BTRC: variants seen among roughly 807,000 people sequenced by gnomAD.
BTRC encodes beta-transducin repeat containing E3 ubiquitin protein ligase.
Under a neutral mutation model 85.5 loss-of-function variants are expected in BTRC, and 42 were observed. That is an observed-to-expected ratio of 0.49 (90% CI 0.38 to 0.64). The LOEUF (loss-of-function observed/expected upper bound fraction) is 0.64, where lower values mean the gene tolerates loss of function less well. BTRC is among the 30% of genes least tolerant of loss of function. The pLI, the probability that BTRC is intolerant of heterozygous loss-of-function variation, is 0.00. For missense variants in BTRC, 594 were observed against 743.5 expected, an observed-to-expected ratio of 0.80 and a Z score of 2.34; for synonymous variants, 255 against 263.3, an observed-to-expected ratio of 0.97 and a Z score of 0.30.
At chr10:101,532,809 C>CTT (rs1554895739) in intron 8 of BTRC, 143 bp from the exon 9 acceptor site, 8 of 675,908 alleles carry the variant, frequency 1.2e-5, no homozygotes, top group South Asian at 3.6e-5. Flanking sequence ...CGCGCGCGCG[C>CTT]GCTTAGCTAT....
rs146804594 is a variant in BTRC, at chr10:101,385,615, C to CTTTTTTTTTTTTTT, written c.48+31389_48+31390insTTTTTTTTTTTTTT. ...TTTTCTTTGTTCTTTCTTTCTTCTT[C>CTTTTTTTTTTTTTT]TTCTTTTTTTTTTTTTTTGTGTGTT... On this transcript the variant is annotated intron_variant, in intron 1 of 14. Coordinates refer to ENST00000370187, the MANE Select transcript of BTRC (RefSeq NM_033637.4). 2.0e-4 allele frequency among the ~76,000 whole-genome samples: 10 copies of CTTTTTTTTTTTTTT among 48,898 alleles called. 1 individual carries two copies. Among genetic ancestry groups the CTTTTTTTTTTTTTT allele is most frequent in the East Asian group, 1.6e-3 (4 of 2,550 alleles). 32.1% of individuals were successfully genotyped at this position (48,898 alleles called of 152,430 possible).
At chr10:101,414,686 A>C (rs1476700992) in intron 1 of BTRC, 1 of 517,494 alleles carries the variant, frequency 1.9e-6, no homozygotes, top group African/African-American at 1.9e-5. Flanking sequence ...ATGAAGGTAG[A>C]AGACAGTGAT....
chr10:101,429,309 C>T (rs910963701), intron 1 of BTRC, among the ~76,000 whole-genome samples: 1 of 152,020 alleles, frequency 6.6e-6, no homozygotes, highest in African/African-American at 2.4e-5. Flanking sequence ...TTCTTTCTTA[C>T]AAAGCTGTAG....
chr10:101,395,655 A>G (rs905863210), intron 1 of BTRC, among the ~76,000 whole-genome samples: 2 of 152,116 alleles, frequency 1.3e-5, no homozygotes, highest in African/African-American at 2.4e-5. Flanking sequence ...AAGATCTTAG[A>G]TTTATTTTTG....
chr10:101,434,107 T>C (rs771431744), intron 2 of BTRC, among the ~76,000 whole-genome samples: 1 of 152,252 alleles, frequency 6.6e-6, no homozygotes, highest in Non-Finnish European at 1.5e-5. Context: ...ATGTCTGGAT[T>C]AAGAAAAGAC....
In BTRC at chr10:101,357,284, T is replaced by TA. The variant is rs1273525615; in HGVS notation, c.48+3057dup. On this transcript the variant is annotated intron_variant, in intron 1 of 14. Transcript: ENST00000370187. ...GGTGAAACCCTGTCTCTACTAAAAA[T>TA]ACAAAAATTAGCCAGGCCTGGTGGC... Among the ~76,000 whole-genome samples the TA allele has an allele frequency of 3.5e-5, 5 of 142,798 alleles. No individual in the cohort carries two copies. The East Asian group carries it at 1.0e-3, about 30-fold the overall frequency. 93.7% of individuals were successfully genotyped at this position (142,798 alleles called of 152,430 possible). A position where few individuals can be genotyped will look rare whatever the true frequency, so the allele number is the denominator to read the frequency against.
chr10:101,360,159 A>G (rs545259656), intron 1 of BTRC, among the ~76,000 whole-genome samples: 6 of 151,838 alleles, frequency 4.0e-5, no homozygotes, highest in African/African-American at 7.2e-5. Flanking sequence ...GGTTCAAGCA[A>G]TTCTTGTGCC....
At chr10:101,429,134 A>G (rs369835345) in intron 1 of BTRC, among the ~76,000 whole-genome samples, 8 of 152,314 alleles carry the variant, frequency 5.3e-5, no homozygotes, top group East Asian at 1.9e-4. Flanking sequence ...ATTGACTACT[A>G]TATTTTAAAA....
At chr10:101,379,949 G>T (rs1942888121) in intron 1 of BTRC, among the ~76,000 whole-genome samples, 1 of 152,010 alleles carries the variant, frequency 6.6e-6, no homozygotes, top group Non-Finnish European at 1.5e-5. Flanking sequence ...GTTTTCAAAG[G>T]TATTTAAGAA....
At chr10:101,406,116 G>A (rs1471259108) in intron 1 of BTRC, among the ~76,000 whole-genome samples, 3 of 151,426 alleles carry the variant, frequency 2.0e-5, no homozygotes, top group Middle Eastern at 3.4e-3. Context: ...TATACTTTTA[G>A]GATTATTCTC....
chr10:101,533,723 G>GA (rs35246006), intron 9 of BTRC, among the ~76,000 whole-genome samples: 1 of 152,048 alleles, frequency 6.6e-6, no homozygotes, highest in African/African-American at 2.4e-5. Context: ...ATAGACCTAG[G>GA]AAAAAAGCGG....
chr10:101,438,464 C>G (rs1305805282), intron 2 of BTRC, among the ~76,000 whole-genome samples: 2 of 135,216 alleles, frequency 1.5e-5, no homozygotes, highest in Non-Finnish European at 3.1e-5. Flanking sequence ...TTCTCATTAG[C>G]AATATAAGTA....
intron 4 of BTRC, among the ~76,000 whole-genome samples, chr10:101,518,534 T>C (rs535182905): frequency 6.6e-6 from 1 of 152,308 alleles, no homozygotes; most frequent in Admixed American, 6.5e-5. Flanking sequence ...TCTCCGCCTT[T>C]TGATGGGAGG....
At chr10:101,452,542 T>C (rs1944977665) in intron 2 of BTRC, among the ~76,000 whole-genome samples, 1 of 152,246 alleles carries the variant, frequency 6.6e-6, no homozygotes, top group African/African-American at 2.4e-5. Context: ...AGGATGCATC[T>C]GTAGTGTTAT....
In BTRC at chr10:101,531,302, C is replaced by T; in HGVS notation, c.809C>T (p.Ala270Val). ...GCTCCTCCCAACTCTTTTTATAGAG[C>T]ACTTTATCCTAAAATTATACAAGAC... is the stretch of plus-strand genomic sequence containing the variant. Reference protein sequence around the residue: ...GNAPPNSFYRALYPKIIQDIE... With the variant: ...GNAPPNSFYRVLYPKIIQDIE... The change falls in exon 7 of 15, where the codon GCA becomes GTA. Residue 270 changes from alanine to valine, a missense_variant. Coordinates refer to ENST00000370187, the MANE Select transcript of BTRC (RefSeq NM_033637.4). 1 of 1,610,204 alleles carries T rather than the reference C, an allele frequency of 6.2e-7. No homozygotes were observed. The highest frequency in any genetic ancestry group is 8.5e-7 in the Non-Finnish European group (1 of 1,176,554).
At chr10:101,398,208 A>C (rs1943410779) in intron 1 of BTRC, among the ~76,000 whole-genome samples, 1 of 152,218 alleles carries the variant, frequency 6.6e-6, no homozygotes, top group South Asian at 2.1e-4. Context: ...AATAAGGTGG[A>C]AGAAGGTGGA....
intron 8 of BTRC, 137 bp from the exon 9 acceptor site, chr10:101,532,815 G>A (rs2062319164): frequency 5.4e-6 from 3 of 552,266 alleles, no homozygotes; most frequent in Admixed American, 2.7e-5. Flanking sequence ...CGCGCGCTTA[G>A]CTATACCTAT....
intron 1 of BTRC, among the ~76,000 whole-genome samples, chr10:101,396,314 A>G (rs1365715987): frequency 1.3e-5 from 2 of 151,658 alleles, no homozygotes; most frequent in Non-Finnish European, 2.9e-5. Flanking sequence ...GTGAGTTTTT[A>G]TAAATGCTCA....
chr10:101,532,837 T>A (rs1292900683), intron 8 of BTRC, 115 bp from the exon 9 acceptor site: 1 of 814,484 alleles, frequency 1.2e-6, no homozygotes, highest in Non-Finnish European at 2.0e-6. Flanking sequence ...GAAAATGCAT[T>A]CCACACTACT....
Sources: allele counts gnomAD v4.1 joint callset (sites outside exome capture counted in the v4.1 genomes callset), GRCh38; gene constraint gnomAD v4.1.1; transcripts MANE v1.5; gene names NCBI Gene and HGNC (gene_info 2026-07-23, HGNC 2026-07-21).